MARCHF1: variants seen among roughly 807,000 people sequenced by gnomAD.
MARCHF1 encodes the protein E3 ubiquitin-protein ligase MARCHF1.
Under a neutral mutation model 54.2 loss-of-function variants are expected in MARCHF1, and 40 were observed. That is an observed-to-expected ratio of 0.74 (90% CI 0.57 to 0.96). The LOEUF (loss-of-function observed/expected upper bound fraction) is 0.96. Ranked by LOEUF, MARCHF1 falls within the 40% of genes least tolerant of loss-of-function variation. MARCHF1 has a pLI of 0.00. For synonymous variants in MARCHF1, 236 were observed against 236.3 expected (o/e 1.00, Z 0.01); for missense variants, 586 against 656.5 (o/e 0.89, Z 1.17).
chr4:164,357,263 G>T (rs1009577721), intron 1 of MARCHF1, among the ~76,000 whole-genome samples: 1 of 152,206 alleles, frequency 6.6e-6, no homozygotes, highest in Non-Finnish European at 1.5e-5. Flanking sequence ...TGTGAGGGGA[G>T]AATCTGTATC....
chr4:164,165,930 A>G (rs1560935574), intron 1 of MARCHF1, among the ~76,000 whole-genome samples: 1 of 151,978 alleles, frequency 6.6e-6, no homozygotes. Context: ...GAGGAGTGAA[A>G]TGCCATTTCA....
chr4:163,753,654 G>T (rs937766331), intron 4 of MARCHF1, among the ~76,000 whole-genome samples: 6 of 152,038 alleles, frequency 3.9e-5, no homozygotes, highest in African/African-American at 1.4e-4. Flanking sequence ...TTTCTATTAG[G>T]GTCCCTGTAA....
At chr4:164,292,461 T>C (rs1351325877) in intron 1 of MARCHF1, among the ~76,000 whole-genome samples, 1 of 152,146 alleles carries the variant, frequency 6.6e-6, no homozygotes, top group African/African-American at 2.4e-5. Flanking sequence ...GGCTGATGCT[T>C]TCTCGATCTC....
intron 5 of MARCHF1, among the ~76,000 whole-genome samples, chr4:163,672,956 T>C (rs1743786475): frequency 6.6e-6 from 1 of 152,198 alleles, no homozygotes; most frequent in Non-Finnish European, 1.5e-5. Flanking sequence ...CTCTTGTCAT[T>C]ACATTGTCCC....
chr4:163,887,381 G>A (rs970706591), intron 3 of MARCHF1, among the ~76,000 whole-genome samples: 11 of 152,016 alleles, frequency 7.2e-5, no homozygotes, highest in African/African-American at 2.2e-4. Context: ...TAGAGTAAAT[G>A]TCCTGAACTG....
At chr4:164,307,073 C>G (rs1036725282) in intron 1 of MARCHF1, among the ~76,000 whole-genome samples, 2 of 152,056 alleles carry the variant, frequency 1.3e-5, no homozygotes, top group African/African-American at 4.8e-5. Flanking sequence ...ATAACTCTTG[C>G]TTGAACAAAA....
At chr4:163,591,890 A>G (rs1740603721) in intron 7 of MARCHF1, among the ~76,000 whole-genome samples, 1 of 152,172 alleles carries the variant, frequency 6.6e-6, no homozygotes, top group Non-Finnish European at 1.5e-5. Context: ...AAGCAAACTG[A>G]TCTGCAGTGG....
chr4:164,187,661 G>A (rs1731006487), intron 1 of MARCHF1, among the ~76,000 whole-genome samples: 1 of 152,146 alleles, frequency 6.6e-6, no homozygotes, highest in Non-Finnish European at 1.5e-5. Context: ...CTGCTGCTTA[G>A]GTTCTGCTTG....
intron 2 of MARCHF1, among the ~76,000 whole-genome samples, chr4:164,081,532 G>A (rs1038523460): frequency 1.3e-5 from 2 of 152,072 alleles, no homozygotes; most frequent in South Asian, 4.1e-4. Flanking sequence ...CGAAGCCTGG[G>A]AACTCCTGGG....
intron 3 of MARCHF1, among the ~76,000 whole-genome samples, chr4:163,878,273 G>A (rs1750337360): frequency 6.6e-6 from 1 of 152,194 alleles, no homozygotes; most frequent in Non-Finnish European, 1.5e-5. Context: ...TAAGCAACAG[G>A]AGAACATGGC....
At chr4:163,939,330 T>C (rs947122657) in intron 3 of MARCHF1, among the ~76,000 whole-genome samples, 4 of 152,202 alleles carry the variant, frequency 2.6e-5, no homozygotes, top group African/African-American at 2.4e-5. Flanking sequence ...GTATCCTTGA[T>C]AATTATTTAA....
rs1039444164 is a variant in MARCHF1, at chr4:164,212,261, T to A, written c.-322-100599A>T. Among the ~76,000 whole-genome samples the A allele has an allele frequency of 1.2e-4, 19 of 152,202 alleles. 1 individual carries two copies. The highest frequency in any genetic ancestry group is 1.5e-5 in the Non-Finnish European group (1 of 68,024). On this transcript the variant is annotated intron_variant, in intron 1 of 9. Transcript: ENST00000514618. ...TCTGGCACACATTTCTCTCATTTAATCATCATGATAGCCATATGAGATGAC... is the reference window on the plus strand; with the variant it reads ...TCTGGCACACATTTCTCTCATTTAAACATCATGATAGCCATATGAGATGAC...
intron 1 of MARCHF1, among the ~76,000 whole-genome samples, chr4:164,299,670 A>G (rs908611163): frequency 1.3e-5 from 2 of 152,162 alleles, no homozygotes; most frequent in Non-Finnish European, 2.9e-5. Context: ...CAGACCATCA[A>G]TATTGTTTCA....
intron 4 of MARCHF1, among the ~76,000 whole-genome samples, chr4:163,769,704 T>C (rs1454400512): frequency 6.6e-6 from 1 of 152,208 alleles, no homozygotes; most frequent in Non-Finnish European, 1.5e-5. Flanking sequence ...TAGAATGGTC[T>C]GTGAATTGGA....
At chr4:163,856,569 T>C (rs1749772045) in intron 3 of MARCHF1, among the ~76,000 whole-genome samples, 1 of 152,220 alleles carries the variant, frequency 6.6e-6, no homozygotes, top group African/African-American at 2.4e-5. Flanking sequence ...AAAATGCCTG[T>C]GATAGTTGCA....
chr4:164,179,994 AT>A (rs1359721510), intron 1 of MARCHF1, among the ~76,000 whole-genome samples: 32 of 150,040 alleles, frequency 2.1e-4, no homozygotes, highest in African/African-American at 7.9e-4. Flanking sequence ...GATGTTGGAC[AT>A]TTGGGTTCAT....
chr4:163,682,465 G>A (rs184065908), intron 5 of MARCHF1, among the ~76,000 whole-genome samples: 1 of 152,166 alleles, frequency 6.6e-6, no homozygotes, highest in Non-Finnish European at 1.5e-5. Context: ...CTAGAGGCCT[G>A]GGGGGAGAAA....
At chr4:164,254,163 G>GT (rs1341370664) in intron 1 of MARCHF1, among the ~76,000 whole-genome samples, 1 of 151,854 alleles carries the variant, frequency 6.6e-6, no homozygotes, top group Non-Finnish European at 1.5e-5. Context: ...GTGCAGTGGC[G>GT]TGATCTCGGC....
At chr4:163,907,343 T>C (rs575703193) in intron 3 of MARCHF1, among the ~76,000 whole-genome samples, 4 of 152,154 alleles carry the variant, frequency 2.6e-5, no homozygotes, top group East Asian at 3.9e-4. Flanking sequence ...TTGTTTGTTT[T>C]AAGAAAATGT....
Sources: allele counts gnomAD v4.1 joint callset (sites outside exome capture counted in the v4.1 genomes callset), GRCh38; gene constraint gnomAD v4.1.1; transcripts MANE v1.5; gene names NCBI Gene and HGNC (gene_info 2026-07-23, HGNC 2026-07-21).